Variants in LRCH3 observed in about 807,000 individuals in gnomAD.
The protein encoded by LRCH3 is leucine rich repeats and calponin homology domain containing 3, also known as DISP complex protein LRCH3.
Under a neutral mutation model 104.5 loss-of-function variants are expected in LRCH3, and 68 were observed. The ratio of observed to expected loss-of-function variants is 0.65; its 90% confidence interval spans 0.54 to 0.80. The LOEUF (loss-of-function observed/expected upper bound fraction) is 0.80, where lower values mean the gene tolerates loss of function less well. LRCH3 is among the 30% of genes least tolerant of loss of function. The pLI is 0.00. For synonymous variants in LRCH3, 344 were observed against 361.3 expected (o/e 0.95, Z 0.54); for missense variants, 951 against 953.9 (o/e 1.00, Z 0.04).
In LRCH3 at chr3:197,814,930, A is replaced by G; in HGVS notation, c.285A>G (p.Ser95=). 6.3e-7 allele frequency: 1 copy of G among 1,595,508 alleles called. No homozygotes were observed. Among genetic ancestry groups the G allele is most frequent in the Non-Finnish European group, 8.5e-7 (1 of 1,174,248 alleles). Residue 95 remains serine (S), a synonymous_variant, in exon 2 of 21, where the codon TCA becomes TCG. Transcript: ENST00000425562. ...TAGACCTGTCGCGAAATCGCCTTTC[A>G]GAAATTCCTATAGAAGCATGTCACT... The part of the protein sequence containing the change: ...TRADLSRNRL[S]EIPIEACHFV...
At chr3:197,873,508 A>G (rs183678739) in intron 19 of LRCH3, among the ~76,000 whole-genome samples, 1 of 152,050 alleles carries the variant, frequency 6.6e-6, no homozygotes, top group African/African-American at 2.4e-5. Flanking sequence ...TGAGAAGGAG[A>G]CAAGCAGGAG....
At chr3:197,878,029 T>C (rs1713105907) in intron 20 of LRCH3, among the ~76,000 whole-genome samples, 1 of 152,228 alleles carries the variant, frequency 6.6e-6, no homozygotes, top group South Asian at 2.1e-4. Flanking sequence ...TCCCTTCTGC[T>C]TCCTAAAGAG....
intron 12 of LRCH3, among the ~76,000 whole-genome samples, chr3:197,849,074 G>A (rs1384872945): frequency 6.6e-6 from 1 of 152,026 alleles, no homozygotes; most frequent in Non-Finnish European, 1.5e-5. Context: ...GACCAGCCTG[G>A]CCAACATGGC....
intron 20 of LRCH3, among the ~76,000 whole-genome samples, chr3:197,876,833 G>A (rs1369435525): frequency 2.2e-5 from 3 of 137,864 alleles, no homozygotes; most frequent in Non-Finnish European, 3.2e-5. Context: ...CCAACTCACC[G>A]CACCCATGGC....
chr3:197,870,180 C>T lies in LRCH3; in HGVS notation c.1894C>T (p.Pro632Ser), dbSNP rs774188178. The change falls in exon 18 of 21, where the codon CCA (proline) becomes TCA (serine). Residue 632 changes from proline (P) to serine (S), a missense_variant. Transcript: ENST00000425562. ...TNKGHASPLP[P>S]SAAPTTDSTD... ...TATAGGTCATGCTTCACCCCTTCCT[C>T]CATCTGCTGCACCTACCACTGATTC... 4 of 1,612,940 alleles carry T rather than the reference C, an allele frequency of 2.5e-6. No homozygotes were observed. Among genetic ancestry groups the T allele is most frequent in the Admixed American group, 1.7e-5 (1 of 59,984 alleles).
chr3:197,831,599 A>G (rs1735944783), intron 7 of LRCH3, among the ~76,000 whole-genome samples: 1 of 152,054 alleles, frequency 6.6e-6, no homozygotes, highest in Admixed American at 6.6e-5. Flanking sequence ...ACAGATATAT[A>G]TGTAGATATT....
chr3:197,830,278 T>C (rs988171585), intron 6 of LRCH3, among the ~76,000 whole-genome samples: 6 of 152,176 alleles, frequency 3.9e-5, no homozygotes, highest in African/African-American at 1.2e-4. Flanking sequence ...AACAAGGTCT[T>C]ACTATGTTGC....
At chr3:197,838,211 G>T (rs770770347) in intron 9 of LRCH3, among the ~76,000 whole-genome samples, 1 of 152,224 alleles carries the variant, frequency 6.6e-6, no homozygotes, top group Non-Finnish European at 1.5e-5. Flanking sequence ...CTTGAGCCCG[G>T]CAGTTTGAGG....
chr3:197,824,155 C>T (rs943220403), intron 4 of LRCH3, among the ~76,000 whole-genome samples: 1 of 151,814 alleles, frequency 6.6e-6, no homozygotes, highest in Admixed American at 6.6e-5. Context: ...GCCTCCGCCT[C>T]TCGGGTTCAA....
At chr3:197,796,306 A>T (rs1731205631) in intron 1 of LRCH3, among the ~76,000 whole-genome samples, 1 of 152,078 alleles carries the variant, frequency 6.6e-6, no homozygotes, top group South Asian at 2.1e-4. Flanking sequence ...TAATAGCACA[A>T]CTACTATGTT....
chr3:197,827,224 A>G (rs1361481985), intron 5 of LRCH3, among the ~76,000 whole-genome samples: 1 of 152,086 alleles, frequency 6.6e-6, no homozygotes, highest in African/African-American at 2.4e-5. Context: ...AGCATCAGGT[A>G]AACCATGGTG....
chr3:197,864,316 A>C (rs965668997), intron 15 of LRCH3, among the ~76,000 whole-genome samples: 8 of 148,360 alleles, frequency 5.4e-5, no homozygotes, highest in Admixed American at 5.4e-4. Context: ...CAAAAATAAA[A>C]AATAAAAACA....
chr3:197,840,459 A>G lies in LRCH3; in HGVS notation c.1328+1062A>G, dbSNP rs542386385. Among the ~76,000 whole-genome samples, 934 of 101,654 alleles carry G rather than the reference A, an allele frequency of 9.2e-3. 7 individuals carry two copies. Among genetic ancestry groups the G allele is most frequent in the Non-Finnish European group, 0.011 (555 of 49,010 alleles). The allele number at this position is 101,654 out of a possible 152,430, so 66.7% of individuals were successfully genotyped here. On this transcript the variant is annotated intron_variant, in intron 10 of 20. Coordinates refer to ENST00000425562, the MANE Select transcript of LRCH3 (RefSeq NM_001365715.1). ...GTGACAGACTGAGACTCCATCTCAA[A>G]AAAACCAAAAAAAGAATATTTTGAA...
At chr3:197,813,510 ATTTTTTTTTTTTTTTTTTTT>A (rs57062885) in intron 1 of LRCH3, among the ~76,000 whole-genome samples, 7 of 66,062 alleles carry the variant, frequency 1.1e-4, no homozygotes, top group Admixed American at 3.8e-4. Flanking sequence ...GAGGCATATA[ATTTTTTTTTTTTTTTTTTTT>A]TTTTTTTTTT....
chr3:197,879,971 A>G (rs1221081694), intron 20 of LRCH3, among the ~76,000 whole-genome samples: 2 of 145,416 alleles, frequency 1.4e-5, no homozygotes, highest in Admixed American at 6.9e-5. Context: ...TTTGAGACGG[A>G]GTCTCGCTCT....
At chr3:197,832,098 GT>G (rs1736023647) in intron 7 of LRCH3, 98 bp from the exon 8 acceptor site, 1 of 1,274,938 alleles carries the variant, frequency 7.8e-7, no homozygotes. Flanking sequence ...CTGGCCTCAA[GT>G]GATCCTCCTG....
In LRCH3 at chr3:197,829,691, CT is replaced by C; in HGVS notation, c.887+21del. On this transcript the variant is annotated intron_variant, in intron 6 of 20. Transcript: ENST00000425562. ...GGCTCCTGGTAAGTATATTCTGTCC[CT>C]TTATCTATCATATTTTTTGTACAGA... The C allele has an allele frequency of 6.7e-7, 1 of 1,496,534 alleles. No individual in the cohort carries two copies. Among genetic ancestry groups the C allele is most frequent in the Non-Finnish European group, 9.1e-7 (1 of 1,094,464 alleles). 92.7% of individuals were successfully genotyped at this position (1,496,534 alleles called of 1,614,324 possible).
At chr3:197,850,565 G>C (rs1739446447) in intron 12 of LRCH3, 1 of 1,586,890 alleles carries the variant, frequency 6.3e-7, no homozygotes, top group African/African-American at 1.3e-5. Context: ...CATGAGCTCT[G>C]TAGGTCCGGC....
intron 12 of LRCH3, among the ~76,000 whole-genome samples, chr3:197,851,996 CTAAA>C (rs757496878): frequency 7.9e-5 from 12 of 152,162 alleles, no homozygotes; most frequent in Non-Finnish European, 1.8e-4. Flanking sequence ...TTTCTCATCT[CTAAA>C]TGAATATGAT....
Sources: allele counts gnomAD v4.1 joint callset (sites outside exome capture counted in the v4.1 genomes callset), GRCh38; gene constraint gnomAD v4.1.1; transcripts MANE v1.5; gene names NCBI Gene and HGNC (gene_info 2026-07-23, HGNC 2026-07-21).